Variants in ENAH observed in about 807,000 individuals in gnomAD.
ENAH encodes the protein ENAH actin regulator, also known as protein enabled homolog.
A neutral mutation model predicts 78.7 loss-of-function variants in ENAH; 23 were observed. The observed-to-expected ratio is 0.29, with a 90% CI of 0.21 to 0.41. ENAH has a LOEUF of 0.41. Ranked by LOEUF, ENAH falls within the 10% of genes least tolerant of loss-of-function variation. ENAH has a pLI of 1.00. For synonymous variants in ENAH, 226 were observed against 241.0 expected (o/e 0.94, Z 0.58); for missense variants, 544 against 691.0 (o/e 0.79, Z 2.39).
chr1:225,645,307 G>A (rs909206069), intron 1 of ENAH, among the ~76,000 whole-genome samples: 11 of 152,160 alleles, frequency 7.2e-5, no homozygotes, highest in African/African-American at 2.4e-4. Flanking sequence ...ATCGCCTTTT[G>A]TGTCTGGCTT....
chr1:225,579,137 G>A (rs969380108), intron 1 of ENAH, among the ~76,000 whole-genome samples: 4 of 152,286 alleles, frequency 2.6e-5, no homozygotes, highest in African/African-American at 9.6e-5. Context: ...AAGACATACT[G>A]TAGGGAGAGG....
At chr1:225,585,561 G>T (rs1314007535) in intron 1 of ENAH, among the ~76,000 whole-genome samples, 1 of 152,116 alleles carries the variant, frequency 6.6e-6, no homozygotes, top group Non-Finnish European at 1.5e-5. Context: ...GCCGAGGCAG[G>T]TGGATCACCT....
intron 4 of ENAH, among the ~76,000 whole-genome samples, chr1:225,521,641 C>CA (rs559523159): frequency 0.046 from 3,183 of 69,200 alleles, 106 homozygotes; most frequent in African/African-American, 0.099. Flanking sequence ...ACCCTGTCTC[C>CA]AAAAAAAAAA....
Position 225,653,068 on chromosome 1 carries a change from C to A in ENAH, c.-378G>T, listed in dbSNP as rs1453385788. ...CCGCTCCACAGGCCCGCGCTCGCCG[C>A]GCCGCCGCCGAGGCCGTGTGCAACC... is the stretch of plus-strand genomic sequence containing the variant. On this transcript the variant is annotated 5_prime_UTR_variant, in exon 1 of 14. Coordinates refer to ENST00000366843, the MANE Select transcript of ENAH (RefSeq NM_018212.6). The surrounding 1 kb of genome is among the most constrained non-coding windows in gnomAD (Gnocchi z 4.3). 8.3e-5 allele frequency: 13 copies of A among 157,482 alleles called. No individual in the cohort carries two copies. The highest frequency in any genetic ancestry group is 1.5e-4 in the Non-Finnish European group (11 of 71,658). The allele number at this position is 157,482 out of a possible 1,614,324, so 9.8% of individuals were successfully genotyped here.
chr1:225,548,657 C>T (rs1348581563), intron 3 of ENAH, among the ~76,000 whole-genome samples: 1 of 152,158 alleles, frequency 6.6e-6, no homozygotes, highest in African/African-American at 2.4e-5. Flanking sequence ...TCCCAGCTCT[C>T]CATGTCAACC....
At chr1:225,571,250 G>T (rs1409097558) in intron 1 of ENAH, among the ~76,000 whole-genome samples, 1 of 152,012 alleles carries the variant, frequency 6.6e-6, no homozygotes, top group African/African-American at 2.4e-5. Flanking sequence ...ACGTGCACCT[G>T]TGGTCCCAGC....
rs2097011747 is a variant in ENAH, at chr1:225,614,364, T to C, written c.5+38322A>G. Reference sequence around the variant, plus strand: ...GTGAGCCACTGTGCCCAGCCAATACTAATATTTTAAAGGATACAAATGAAT... The same window carrying C: ...GTGAGCCACTGTGCCCAGCCAATACCAATATTTTAAAGGATACAAATGAAT... On this transcript the variant is annotated intron_variant, in intron 1 of 13. Coordinates refer to ENST00000366843, the MANE Select transcript of ENAH (RefSeq NM_018212.6). Among the ~76,000 whole-genome samples the C allele has an allele frequency of 2.0e-5, 3 of 152,096 alleles. 1 individual carries two copies. The highest frequency in any genetic ancestry group is 4.1e-4 in the South Asian group (2 of 4,826).
intron 3 of ENAH, among the ~76,000 whole-genome samples, chr1:225,536,920 C>T (rs1335470799): frequency 6.6e-6 from 1 of 151,910 alleles, no homozygotes; most frequent in Admixed American, 6.6e-5. Flanking sequence ...AGACCACAGG[C>T]GTACACATAA....
intron 1 of ENAH, among the ~76,000 whole-genome samples, chr1:225,605,972 A>T (rs930544945): frequency 7.9e-5 from 12 of 152,208 alleles, no homozygotes; most frequent in African/African-American, 2.9e-4. Flanking sequence ...CAGCCCTAGC[A>T]AACTACTACA....
intron 1 of ENAH, among the ~76,000 whole-genome samples, chr1:225,629,144 G>A (rs900620505): frequency 1.3e-5 from 2 of 151,510 alleles, no homozygotes; most frequent in Admixed American, 6.6e-5. Flanking sequence ...TGGGCGTGGT[G>A]GACAGTGCCT....
intron 10 of ENAH, among the ~76,000 whole-genome samples, chr1:225,510,877 G>A (rs1311714083): frequency 6.6e-6 from 1 of 151,892 alleles, no homozygotes; most frequent in Non-Finnish European, 1.5e-5. Context: ...GCCAGGAGTG[G>A]TGCCATGTGC....
intron 3 of ENAH, among the ~76,000 whole-genome samples, chr1:225,535,120 G>A (rs1320706467): frequency 3.9e-5 from 6 of 152,026 alleles, no homozygotes; most frequent in Admixed American, 3.3e-4. Context: ...CTTTGCACAA[G>A]GCACATTTAC....
intron 1 of ENAH, among the ~76,000 whole-genome samples, chr1:225,576,410 A>C (rs1418883987): frequency 2.6e-5 from 4 of 152,200 alleles, no homozygotes; most frequent in Non-Finnish European, 5.9e-5. Context: ...AAATACTATA[A>C]AAATTAAGTT....
chr1:225,548,058 A>C (rs2096623295), intron 3 of ENAH, among the ~76,000 whole-genome samples: 1 of 152,218 alleles, frequency 6.6e-6, no homozygotes, highest in Middle Eastern at 3.2e-3. Flanking sequence ...ATGCACTCAA[A>C]TGATGGATGA....
At chr1:225,590,595 C>T (rs2147875790) in intron 1 of ENAH, among the ~76,000 whole-genome samples, 1 of 152,130 alleles carries the variant, frequency 6.6e-6, no homozygotes, top group East Asian at 1.9e-4. Flanking sequence ...ATTTTTCTCC[C>T]CCCCATTCCC....
At chr1:225,515,040 A>G (rs1341682720) in intron 6 of ENAH, 140 bp from the exon 7 acceptor site, 2 of 749,684 alleles carry the variant, frequency 2.7e-6, no homozygotes, top group Non-Finnish European at 4.6e-6. Flanking sequence ...TCATAGTTGT[A>G]AAAGTCTAGA....
intron 1 of ENAH, among the ~76,000 whole-genome samples, chr1:225,621,288 C>G: frequency 6.7e-6 from 1 of 150,370 alleles, no homozygotes; most frequent in Non-Finnish European, 1.5e-5. Flanking sequence ...TTCTTTAAAT[C>G]TATCTCTCTT....
At chr1:225,589,891 G>A (rs1007216452) in intron 1 of ENAH, among the ~76,000 whole-genome samples, 1 of 152,150 alleles carries the variant, frequency 6.6e-6, no homozygotes, top group African/African-American at 2.4e-5. Context: ...TCCCCGTGCA[G>A]CTTTTTCTAA....
At chr1:225,589,644 T>C (rs1007394766) in intron 1 of ENAH, among the ~76,000 whole-genome samples, 2 of 152,232 alleles carry the variant, frequency 1.3e-5, no homozygotes, top group African/African-American at 2.4e-5. Flanking sequence ...ATGCGTATTA[T>C]TGTTGCATTG....
Sources: gnomAD v4.1 joint callset for allele counts (sites outside exome capture counted in the v4.1 genomes callset) on GRCh38, gnomAD v4.1.1 for gene constraint, Gnocchi (gnomAD v3.1) non-coding constraint, MANE v1.5 for transcripts, NCBI Gene and HGNC (gene_info 2026-07-23, HGNC 2026-07-21) for gene names.